Variants in KIAA0586 observed in about 807,000 individuals in gnomAD.
KIAA0586 encodes the protein protein TALPID3.
In KIAA0586, 144 loss-of-function variants were observed where a neutral mutation model predicts 169.8. That is an observed-to-expected ratio of 0.85 (90% CI 0.74 to 0.97). KIAA0586 has a LOEUF of 0.97. Ranked by LOEUF, KIAA0586 falls within the 50% of genes least tolerant of loss-of-function variation. The pLI, the probability that KIAA0586 is intolerant of heterozygous loss-of-function variation, is 0.00. For missense variants in KIAA0586, 1,854 were observed against 1,823.0 expected, an observed-to-expected ratio of 1.02 and a Z score of -0.31; for synonymous variants, 625 against 612.4, an observed-to-expected ratio of 1.02 and a Z score of -0.30.
At chr14:58,537,280 C>T (rs541509223) in intron 29 of KIAA0586, 3 of 634,504 alleles carry the variant, frequency 4.7e-6, no homozygotes, top group South Asian at 6.4e-5. Flanking sequence ...AGATCCTCCC[C>T]CAGTTTTGAC....
chr14:58,535,598 A>G (rs1369756517), intron 29 of KIAA0586, among the ~76,000 whole-genome samples: 1 of 152,122 alleles, frequency 6.6e-6, no homozygotes, highest in African/African-American at 2.4e-5. Flanking sequence ...TGGTATACCT[A>G]CTAGAGCCAA....
At chr14:58,457,409 A>G (rs1381627865) in intron 10 of KIAA0586, among the ~76,000 whole-genome samples, 1 of 152,108 alleles carries the variant, frequency 6.6e-6, no homozygotes, top group African/African-American at 2.4e-5. Flanking sequence ...CTGGGATTAC[A>G]AGGGTGTGCC....
intron 29 of KIAA0586, among the ~76,000 whole-genome samples, chr14:58,526,332 C>T (rs745929349): frequency 2.0e-5 from 3 of 152,140 alleles, no homozygotes; most frequent in African/African-American, 7.2e-5. Context: ...CTGGTGGGTG[C>T]CCCTCTGGGA....
At chr14:58,543,025 G>A (rs2046749173) in intron 30 of KIAA0586, among the ~76,000 whole-genome samples, 1 of 151,652 alleles carries the variant, frequency 6.6e-6, no homozygotes, top group South Asian at 2.1e-4. Flanking sequence ...GCAGCTACTT[G>A]GGAGGCTGAG....
At chr14:58,481,850 G>T (rs1354411714) in intron 20 of KIAA0586, among the ~76,000 whole-genome samples, 29 of 135,654 alleles carry the variant, frequency 2.1e-4, no homozygotes, top group African/African-American at 7.9e-4. Flanking sequence ...GTCTCACTCT[G>T]TTGCCCAGGC....
intron 3 of KIAA0586, among the ~76,000 whole-genome samples, chr14:58,431,587 T>A (rs1410649063): frequency 6.6e-6 from 1 of 152,188 alleles, no homozygotes; most frequent in Admixed American, 6.5e-5. Flanking sequence ...TTTAAAATAG[T>A]TTTTTCTAAT....
At chr14:58,451,138 A>G (rs998890495) in intron 8 of KIAA0586, among the ~76,000 whole-genome samples, 10 of 151,962 alleles carry the variant, frequency 6.6e-5, no homozygotes, top group African/African-American at 2.4e-4. Flanking sequence ...ATGGGCGCCC[A>G]CCACCATACC....
At chr14:58,440,067 TA>T in intron 4 of KIAA0586, 1 of 224,588 alleles carries the variant, frequency 4.5e-6, no homozygotes. Context: ...TTTTTTTTTC[TA>T]GAGACAGGGT....
intron 9 of KIAA0586, among the ~76,000 whole-genome samples, chr14:58,454,954 G>A (rs539950220): frequency 3.2e-4 from 48 of 152,192 alleles, no homozygotes; most frequent in Non-Finnish European, 6.0e-4. Flanking sequence ...CTGATGAGGA[G>A]TTGTATGTTG....
At chr14:58,464,640 C>T (rs1165365425) in intron 14 of KIAA0586, among the ~76,000 whole-genome samples, 1 of 152,034 alleles carries the variant, frequency 6.6e-6, no homozygotes, top group Non-Finnish European at 1.5e-5. Context: ...ATGTATACAT[C>T]ATAGGAACAG....
intron 20 of KIAA0586, among the ~76,000 whole-genome samples, chr14:58,481,689 G>C (rs1030872195): frequency 1.3e-5 from 2 of 152,040 alleles, no homozygotes; most frequent in Non-Finnish European, 2.9e-5. Context: ...GAGAATATTT[G>C]TTATGTAAGT....
intron 29 of KIAA0586, among the ~76,000 whole-genome samples, chr14:58,524,507 A>G (rs1171523069): frequency 6.6e-6 from 1 of 152,194 alleles, no homozygotes; most frequent in African/African-American, 2.4e-5. Flanking sequence ...ATTCGGATGC[A>G]GAAGAGGGAG....
At chr14:58,434,919 G>T (rs917400357) in intron 4 of KIAA0586, among the ~76,000 whole-genome samples, 1 of 151,162 alleles carries the variant, frequency 6.6e-6, no homozygotes, top group African/African-American at 2.4e-5. Context: ...CGCCAGAGTA[G>T]CTGGGACTAC....
chr14:58,512,395 G>C, intron 28 of KIAA0586, 127 bp from the exon 29 acceptor site: 1 of 546,980 alleles, frequency 1.8e-6, no homozygotes, highest in Admixed American at 3.9e-5. Context: ...TAAATAAAAA[G>C]CAATAAAAAG....
In KIAA0586 at chr14:58,477,405, C is replaced by A. The variant is rs547894468; in HGVS notation, c.2944+164C>A. Among the ~76,000 whole-genome samples the A allele has an allele frequency of 4.6e-5, 7 of 152,246 alleles. No individual in the cohort carries two copies. The South Asian group carries it at 8.3e-4, about 18-fold the overall frequency. On this transcript the variant is annotated intron_variant, in intron 20 of 30. Coordinates refer to ENST00000652326, the MANE Select transcript of KIAA0586 (RefSeq NM_001329943.3). ...TTTGGTGATGGTTAGTTCTCTCTCA[C>A]CCTCTTATTTCATATTGCAGCTTTC... is the stretch of plus-strand genomic sequence containing the variant.
In KIAA0586 at chr14:58,448,424, G is replaced by T; in HGVS notation, c.892G>T (p.Val298Leu). The change falls in exon 7 of 31, where the codon GTA becomes TTA. Residue 298 changes from valine (V) to leucine (L), a missense_variant. Coordinates refer to ENST00000652326, the MANE Select transcript of KIAA0586 (RefSeq NM_001329943.3). ...PSSRAVEKYS[V>L]KPEHPNLGSC... The stretch of plus-strand genomic sequence containing the variant: ...CTCCAGAGCAGTGGAAAAGTATTCC[G>T]TAAAACCAGAACACCCTAATCTTGG... The T allele has an allele frequency of 6.2e-7, 1 of 1,611,736 alleles. No homozygotes were observed. The highest frequency in any genetic ancestry group is 8.5e-7 in the Non-Finnish European group (1 of 1,178,102).
chr14:58,518,403 C>T (rs924484766), intron 29 of KIAA0586, among the ~76,000 whole-genome samples: 23 of 152,048 alleles, frequency 1.5e-4, no homozygotes, highest in Admixed American at 1.5e-3. Context: ...AAATCTGAAA[C>T]ATTTATGTTT....
intron 26 of KIAA0586, among the ~76,000 whole-genome samples, chr14:58,498,393 C>G (rs893962637): frequency 7.3e-5 from 11 of 151,546 alleles, no homozygotes; most frequent in African/African-American, 2.7e-4. Flanking sequence ...CTAGGCTGGT[C>G]TTGAACTCCT....
Position 58,461,211 on chromosome 14 carries a change from T to G in KIAA0586, c.2059+51T>G, listed in dbSNP as rs931003878. The G allele has an allele frequency of 4.7e-6, 6 of 1,278,796 alleles. No individual in the cohort carries two copies. The African/African-American group carries it at 9.3e-5, about 20-fold the overall frequency. The allele number at this position is 1,278,796 out of a possible 1,614,324, so 79.2% of individuals were successfully genotyped here. ...AATCTCATTTCTTAATAGTATCAGT[T>G]TAATATGTAAAGTTTCTTTTTGCTT... is the stretch of plus-strand genomic sequence containing the variant. On this transcript the variant is annotated intron_variant, in intron 14 of 30. Transcript: ENST00000652326.
Sources: allele counts gnomAD v4.1 joint callset (sites outside exome capture counted in the v4.1 genomes callset), GRCh38; gene constraint gnomAD v4.1.1; transcripts MANE v1.5; gene names NCBI Gene and HGNC (gene_info 2026-07-23, HGNC 2026-07-21).